The following PCDH15 variants were observed in gnomAD, a reference collection of about 807,000 sequenced individuals.
The protein encoded by PCDH15 is protocadherin related 15, also known as protocadherin-15.
In PCDH15, 129 loss-of-function variants were observed where a neutral mutation model predicts 178.5. The observed-to-expected ratio is 0.72, with a 90% CI of 0.63 to 0.84. The LOEUF is 0.84. Among genes scored for constraint, PCDH15 ranks in the 40% least tolerant of loss-of-function variants. The pLI, the probability that PCDH15 is intolerant of heterozygous loss-of-function variation, is 0.00. For missense variants in PCDH15, 2,230 were observed against 2,099.9 expected (o/e 1.06, Z -1.21); for synonymous variants, 800 against 732.0 (o/e 1.09, Z -1.50).
chr10:55,106,769 G>T (rs548811498), intron 2 of PCDH15, among the ~76,000 whole-genome samples: 3 of 152,170 alleles, frequency 2.0e-5, no homozygotes, highest in African/African-American at 7.2e-5. Flanking sequence ...AAAAAAAGGG[G>T]AACATCCTAG....
chr10:55,029,402 C>T (rs1840555610), intron 2 of PCDH15, among the ~76,000 whole-genome samples: 1 of 151,994 alleles, frequency 6.6e-6, no homozygotes, highest in Non-Finnish European at 1.5e-5. Flanking sequence ...TAGTGTGGTG[C>T]TGACAATCAG....
At chr10:53,815,950 C>T (rs115892136) in intron 35 of PCDH15, among the ~76,000 whole-genome samples, 250 of 152,126 alleles carry the variant, frequency 1.6e-3, no homozygotes, top group African/African-American at 5.2e-3. Context: ...AACTGCTGAT[C>T]GGGTTCATTA....
At chr10:54,817,243 A>T (rs1176393323) in intron 3 of PCDH15, among the ~76,000 whole-genome samples, 1 of 152,050 alleles carries the variant, frequency 6.6e-6, no homozygotes, top group African/African-American at 2.4e-5. Flanking sequence ...ACATTTGAAT[A>T]ATAGTCTTAG....
chr10:55,305,188 G>A (rs1843388662), intron 1 of PCDH15, among the ~76,000 whole-genome samples: 1 of 152,144 alleles, frequency 6.6e-6, no homozygotes, highest in East Asian at 1.9e-4. Context: ...CATTGTATTA[G>A]GTGCTGCTGG....
At chr10:54,807,441 G>A (rs1952796380) in intron 3 of PCDH15, among the ~76,000 whole-genome samples, 1 of 151,828 alleles carries the variant, frequency 6.6e-6, no homozygotes, top group Non-Finnish European at 1.5e-5. Flanking sequence ...ATAACCTTAA[G>A]CTACATGCAA....
At chr10:53,856,618 T>C (rs1406984638) in intron 28 of PCDH15, among the ~76,000 whole-genome samples, 1 of 152,128 alleles carries the variant, frequency 6.6e-6, no homozygotes, top group East Asian at 1.9e-4. Flanking sequence ...AATCCATGAA[T>C]GTTATGATTT....
intron 2 of PCDH15, among the ~76,000 whole-genome samples, chr10:55,572,329 C>T (rs1842421010): frequency 6.6e-6 from 1 of 151,508 alleles, no homozygotes; most frequent in African/African-American, 2.4e-5. Flanking sequence ...CAAAAAGCTC[C>T]AATACATTCT....
intron 1 of PCDH15, among the ~76,000 whole-genome samples, chr10:55,268,233 A>G (rs904489574): frequency 4.6e-5 from 7 of 152,160 alleles, no homozygotes; most frequent in Non-Finnish European, 1.0e-4. Flanking sequence ...GAGAGAATAA[A>G]TGATTTGCTC....
intron 13 of PCDH15, among the ~76,000 whole-genome samples, chr10:54,171,101 T>C (rs1172753173): frequency 6.6e-6 from 1 of 152,148 alleles, no homozygotes; most frequent in African/African-American, 2.4e-5. Context: ...CAGGCATTTC[T>C]TCCCTTCTGT....
intron 8 of PCDH15, among the ~76,000 whole-genome samples, chr10:54,311,722 A>G (rs1426337775): frequency 2.0e-5 from 3 of 152,014 alleles, no homozygotes; most frequent in Non-Finnish European, 4.4e-5. Flanking sequence ...TGTTCAATAT[A>G]ATATTAATCT....
Position 54,329,705 on chromosome 10 carries a change from G to A in PCDH15, c.596C>T (p.Thr199Ile), listed in dbSNP as rs2133884443. 1.3e-6 allele frequency: 2 copies of A among 1,539,566 alleles called. No homozygotes were observed. Among genetic ancestry groups the A allele is most frequent in the Admixed American group, 1.7e-5 (1 of 59,784 alleles). ...YVIQYNPDDP[T>I]SNDTFEIPLM... ...GGGAATTTCAAAGGTGTCATTGGATGTCTGCAAATATTAAAGATACAGACT... is the reference window on the plus strand; with the variant it reads ...GGGAATTTCAAAGGTGTCATTGGATATCTGCAAATATTAAAGATACAGACT... Residue 199 changes from threonine to isoleucine, a missense_variant and splice_region_variant, in exon 7 of 38, where the codon ACA (threonine) becomes ATA (isoleucine). Coordinates refer to ENST00000644397, the MANE Select transcript of PCDH15 (RefSeq NM_001384140.1).
chr10:54,041,826 C>A (rs771965549), intron 18 of PCDH15, among the ~76,000 whole-genome samples: 1 of 151,986 alleles, frequency 6.6e-6, no homozygotes, highest in African/African-American at 2.4e-5. Flanking sequence ...GGAATCCCAA[C>A]GGTGACTTTC....
intron 9 of PCDH15, among the ~76,000 whole-genome samples, chr10:54,233,668 T>C (rs1451885675): frequency 2.6e-5 from 4 of 152,246 alleles, no homozygotes; most frequent in Admixed American, 6.5e-5. Context: ...TTGTTCCATC[T>C]TGACCTTAAG....
At chr10:54,203,577 T>C (rs1417355917) in intron 10 of PCDH15, among the ~76,000 whole-genome samples, 1 of 152,176 alleles carries the variant, frequency 6.6e-6, no homozygotes, top group African/African-American at 2.4e-5. Flanking sequence ...GGAAGGCAGA[T>C]AATGACAACA....
At chr10:54,418,473 G>T (rs1286333116) in intron 3 of PCDH15, among the ~76,000 whole-genome samples, 1 of 151,878 alleles carries the variant, frequency 6.6e-6, no homozygotes, top group Non-Finnish European at 1.5e-5. Flanking sequence ...TGTTCATCCA[G>T]CCTTCATTCA....
chr10:53,863,794 T>C (rs2133119345), intron 27 of PCDH15, among the ~76,000 whole-genome samples: 1 of 152,228 alleles, frequency 6.6e-6, no homozygotes, highest in South Asian at 2.1e-4. Context: ...GAGTGGGAAT[T>C]GAATCTACTG....
chr10:55,537,137 A>G (rs1841595747), intron 2 of PCDH15, among the ~76,000 whole-genome samples: 1 of 152,172 alleles, frequency 6.6e-6, no homozygotes, highest in Admixed American at 6.6e-5. Flanking sequence ...AAAAATTATT[A>G]ATGCTGATAC....
intron 2 of PCDH15, among the ~76,000 whole-genome samples, chr10:54,898,894 T>C (rs532583405): frequency 5.9e-5 from 9 of 152,162 alleles, no homozygotes; most frequent in Admixed American, 3.3e-4. Flanking sequence ...AGTGTTTTAC[T>C]ACAAAAGCGA....
intron 32 of PCDH15, chr10:53,825,200 A>G (rs2076598592): frequency 1.3e-6 from 2 of 1,506,632 alleles, no homozygotes; most frequent in Non-Finnish European, 1.8e-6. Flanking sequence ...AGTTTTTACT[A>G]GAGTTAATTT....
Sources: allele counts gnomAD v4.1 joint callset (sites outside exome capture counted in the v4.1 genomes callset), GRCh38; gene constraint gnomAD v4.1.1; transcripts MANE v1.5; gene names NCBI Gene and HGNC (gene_info 2026-07-23, HGNC 2026-07-21).